CNGA2: variants seen among roughly 807,000 people sequenced by gnomAD.
CNGA2 encodes the protein cyclic nucleotide-gated channel alpha-2.
In CNGA2, 22 loss-of-function variants were observed where a neutral mutation model predicts 35.9. The observed-to-expected ratio is 0.61, with a 90% CI of 0.44 to 0.88. CNGA2 has a LOEUF of 0.88. Among genes scored for constraint, CNGA2 ranks in the 40% least tolerant of loss-of-function variants. The probability of loss-of-function intolerance (pLI) is 0.00; values close to 1 mark genes in which losing one functional copy is unlikely to be tolerated. For synonymous variants in CNGA2, 217 were observed against 209.2 expected (o/e 1.04, Z -0.32); for missense variants, 555 against 530.8 (o/e 1.05, Z -0.45).
rs138496370 is a variant in CNGA2, at chrX:151,740,870, G to A, written c.451G>A (p.Val151Ile). Residue 151 changes from valine to isoleucine, a missense_variant, in exon 5 of 7, where the codon GTC becomes ATC. By Grantham distance (29) the Val-to-Ile change is conservative. Transcript: ENST00000329903. ...CTGGCTATTTGTCATTGCCATGCCC[G>A]TCCTTTACAACTGGTGCCTGCTGGT... ...YCWLFVIAMP[V>I]LYNWCLLVAR... 265 of 1,208,943 alleles carry A rather than the reference G, an allele frequency of 2.2e-4. No homozygotes were observed. Among genetic ancestry groups the A allele is most frequent in the Non-Finnish European group, 2.8e-4 (254 of 894,532 alleles).
intron 6 of CNGA2, among the ~76,000 whole-genome samples, 166 bp from the exon 7 acceptor site, chrX:151,742,927 T>TATATATATATATATATATATACATAC (rs746065892): frequency 0.014 from 1,061 of 78,425 alleles, 87 homozygotes; most frequent in African/African-American, 0.061. Flanking sequence ...TAGGGAAGGA[T>TATATATATATATATATATATACATAC]ATATATATAT....
At chrX:151,740,285 T>G (rs780984220) in intron 4 of CNGA2, among the ~76,000 whole-genome samples, 7 of 111,926 alleles carry the variant, frequency 6.3e-5, no homozygotes, top group Non-Finnish European at 1.3e-4. Flanking sequence ...GGACACAACA[T>G]CCCTTGTCAA....
intron 1 of CNGA2, among the ~76,000 whole-genome samples, chrX:151,735,754 C>A (rs187298805): frequency 9.0e-6 from 1 of 111,605 alleles, no homozygotes; most frequent in Admixed American, 9.5e-5. Context: ...CCTTTGTCAG[C>A]CCCCTATCCT....
chrX:151,739,705 A>G lies in CNGA2; in HGVS notation c.347A>G (p.Asp116Gly). 1 of 1,211,772 alleles carries G rather than the reference A, an allele frequency of 8.3e-7. No individual in the cohort carries two copies. The highest frequency in any genetic ancestry group is 1.1e-6 in the Non-Finnish European group (1 of 895,518). Residue 116 changes from aspartate (D) to glycine (G), a missense_variant, in exon 4 of 7, where the codon GAC becomes GGC. Coordinates refer to ENST00000329903, the MANE Select transcript of CNGA2 (RefSeq NM_005140.3). Reference sequence around the variant, plus strand: ...ACACAGGAGGGGGATGGCAAAGGCGACAAGGATGGCGAGGACAAAGGCACC... The same window carrying G: ...ACACAGGAGGGGGATGGCAAAGGCGGCAAGGATGGCGAGGACAAAGGCACC... ...VTTQEGDGKG[D>G]KDGEDKGTKK...
At chrX:151,739,763 G>T in intron 4 of CNGA2, 31 bp downstream of exon 4, 1 of 1,195,288 alleles carries the variant, frequency 8.4e-7, no homozygotes, top group Non-Finnish European at 1.1e-6. Context: ...GGACTCAAAT[G>T]GGCTTTAAGC....
intron 5 of CNGA2, among the ~76,000 whole-genome samples, chrX:151,741,632 T>C (rs1036504129): frequency 2.7e-5 from 3 of 112,496 alleles, no homozygotes; most frequent in South Asian, 7.5e-4. Flanking sequence ...TGCCAGGGCC[T>C]GGTGGCTAGA....
rs2015359861 is a variant in CNGA2, at chrX:151,744,792, C to T, written c.*294C>T. 1 of 294,452 alleles carries T rather than the reference C, an allele frequency of 3.4e-6. No individual in the cohort carries two copies. The highest frequency in any genetic ancestry group is 1.7e-4 in the South Asian group (1 of 5,940). The allele number at this position is 294,452 out of a possible 1,213,427, so 24.3% of individuals were successfully genotyped here. On this transcript the variant is annotated 3_prime_UTR_variant, in exon 7 of 7. Transcript: ENST00000329903. Reference sequence around the variant, plus strand: ...CTGCCAGGAGTCTGGCTCTTTTGCTCATAGCGACCCCTCCCTTGGTTCTGG... The same window carrying T: ...CTGCCAGGAGTCTGGCTCTTTTGCTTATAGCGACCCCTCCCTTGGTTCTGG...
Position 151,744,526 on chromosome X carries a change from ATTGGCC to A in CNGA2, c.*38_*43del. ...CCTGGGGCCCAACTGCCTCTCCAGC[ATTGGCC>A]TTGGCCTTGATCCCAGAAGCTAGAG... is the stretch of plus-strand genomic sequence containing the variant. On this transcript the variant is annotated 3_prime_UTR_variant, in exon 7 of 7. Transcript: ENST00000329903. 2.1e-6 allele frequency: 2 copies of A among 944,208 alleles called. No homozygotes were observed. Among genetic ancestry groups the A allele is most frequent in the Non-Finnish European group, 2.8e-6 (2 of 716,188 alleles). The allele number at this position is 944,208 out of a possible 1,213,427, so 77.8% of individuals were successfully genotyped here.
At position 151,744,052 on chromosome X, in the gene CNGA2, A is replaced by G. The variant is rs865860886; in HGVS notation, c.1549A>G (p.Ser517Gly). ...TCAGTATGCTCTGCTGTCGGCTGGA[A>G]GCTGCTTTGGCGAGATCAGTATCCT... Reference protein sequence around the residue: ...VTQYALLSAGSCFGEISILNI... With the variant: ...VTQYALLSAGGCFGEISILNI... Residue 517 changes from serine to glycine, a missense_variant, in exon 7 of 7, where the codon AGC becomes GGC. Coordinates refer to ENST00000329903, the MANE Select transcript of CNGA2 (RefSeq NM_005140.3). 1 of 1,211,528 alleles carries G rather than the reference A, an allele frequency of 8.3e-7. No homozygotes were observed. The highest frequency in any genetic ancestry group is 1.7e-5 in the African/African-American group (1 of 57,696).
At chrX:151,740,183 G>T (rs2015290674) in intron 4 of CNGA2, among the ~76,000 whole-genome samples, 1 of 112,358 alleles carries the variant, frequency 8.9e-6, no homozygotes, top group Non-Finnish European at 1.9e-5. Flanking sequence ...AGAAGGCAGA[G>T]CTGGAGGGTT....
Position 151,744,763 on chromosome X carries a change from C to G in CNGA2, c.*265C>G, listed in dbSNP as rs1466664458. ...GTCTGAGGAAGGGAGAAGGGGGCAG[C>G]TGTCTGCCAGGAGTCTGGCTCTTTT... On this transcript the variant is annotated 3_prime_UTR_variant, in exon 7 of 7. Transcript: ENST00000329903. The G allele has an allele frequency of 2.2e-5, 7 of 313,819 alleles. No homozygotes were observed. In the Admixed American group the frequency reaches 3.2e-4, roughly 14 times the overall value. The allele number at this position is 313,819 out of a possible 1,213,427, so 25.9% of individuals were successfully genotyped here. A position where few individuals can be genotyped will look rare whatever the true frequency, so the allele number is the denominator to read the frequency against.
chrX:151,743,554 C>T lies in CNGA2; in HGVS notation c.1051C>T (p.Leu351=). The T allele has an allele frequency of 8.3e-7, 1 of 1,211,282 alleles. No individual in the cohort carries two copies. Among genetic ancestry groups the T allele is most frequent in the Non-Finnish European group, 1.1e-6 (1 of 895,373 alleles). Residue 351 remains leucine (L), a synonymous_variant, in exon 7 of 7, where the codon CTA becomes TTA. Coordinates refer to ENST00000329903, the MANE Select transcript of CNGA2 (RefSeq NM_005140.3). ...TPPPVKDEEY[L]FVIFDFLIGV... The stretch of plus-strand genomic sequence containing the variant: ...ACCCCCTGTAAAGGATGAGGAGTAC[C>T]TATTTGTCATCTTTGACTTCCTGAT...
At position 151,744,327 on chromosome X, in the gene CNGA2, G is replaced by A; in HGVS notation, c.1824G>A (p.Met608Ile). ...AGCTAGGGCAGCTGGAGACCAACAT[G>A]GAAACCTTGTACACTCGCTTTGGCC... ...QEKLGQLETN[M>I]ETLYTRFGRL... The change falls in exon 7 of 7, where the codon ATG becomes ATA. Residue 608 changes from methionine to isoleucine, a missense_variant. Physicochemically the swap from Met to Ile is conservative, Grantham distance 10. Coordinates refer to ENST00000329903, the MANE Select transcript of CNGA2 (RefSeq NM_005140.3). 8.3e-7 allele frequency: 1 copy of A among 1,211,414 alleles called. No homozygotes were observed. Among genetic ancestry groups the A allele is most frequent in the Admixed American group, 2.2e-5 (1 of 45,995 alleles).
chrX:151,743,041 T>TACAC (rs1456303916), intron 6 of CNGA2, 52 bp from the exon 7 acceptor site: 2,034 of 68,202 alleles, frequency 0.03, 434 homozygotes, highest in African/African-American at 0.2. Flanking sequence ...CATATATATG[T>TACAC]ATATATATAC....
intron 1 of CNGA2, 81 bp from the exon 2 acceptor site, chrX:151,738,377 A>G: frequency 1.5e-6 from 1 of 675,885 alleles, no homozygotes; most frequent in Non-Finnish European, 2.3e-6. Context: ...GTTCTAATCC[A>G]TCCTGTTCAC....
At position 151,744,329 on chromosome X, in the gene CNGA2, A is replaced by G; in HGVS notation, c.1826A>G (p.Glu609Gly). 1 of 1,211,309 alleles carries G rather than the reference A, an allele frequency of 8.3e-7. No individual in the cohort carries two copies. The change falls in exon 7 of 7, where the codon GAA becomes GGA. Residue 609 changes from glutamate (E) to glycine (G), a missense_variant. By Grantham distance (98) the Glu-to-Gly change is moderately conservative (BLOSUM62 -2). Transcript: ENST00000329903. ...EKLGQLETNM[E>G]TLYTRFGRLL... ...CTAGGGCAGCTGGAGACCAACATGGAAACCTTGTACACTCGCTTTGGCCGC... is the reference window on the plus strand; with the variant it reads ...CTAGGGCAGCTGGAGACCAACATGGGAACCTTGTACACTCGCTTTGGCCGC...
chrX:151,744,076 C>T lies in CNGA2; in HGVS notation c.1573C>T (p.Leu525Phe), dbSNP rs752573922. The T allele has an allele frequency of 5.0e-6, 6 of 1,211,270 alleles. No individual in the cohort carries two copies. The East Asian group carries it at 1.8e-4, about 36-fold the overall frequency. Residue 525 changes from leucine (L) to phenylalanine (F), a missense_variant, in exon 7 of 7, where the codon CTT (leucine) becomes TTT (phenylalanine). Transcript: ENST00000329903. ...AGSCFGEISILNIKGSKMGNR... is the reference protein window; with the variant it reads ...AGSCFGEISIFNIKGSKMGNR... ...AAGCTGCTTTGGCGAGATCAGTATC[C>T]TTAACATTAAGGGCAGTAAAATGGG...
In CNGA2 at chrX:151,744,301, A is replaced by T; in HGVS notation, c.1798A>T (p.Lys600Ter). 8.3e-7 allele frequency: 1 copy of T among 1,210,694 alleles called. No homozygotes were observed. Among genetic ancestry groups the T allele is most frequent in the Non-Finnish European group, 1.1e-6 (1 of 895,251 alleles). ...CAGCATGGAGGTCGACGTGCAGGAG[A>T]AGCTAGGGCAGCTGGAGACCAACAT... ...ATSMEVDVQE[K>*]LGQLETNMET... is the part of the protein sequence containing the mutation. Residue 600 changes from lysine (K) to a stop codon, truncating the protein, a stop_gained, in exon 7 of 7, where the codon AAG (lysine) becomes TAG (stop). Coordinates refer to ENST00000329903, the MANE Select transcript of CNGA2 (RefSeq NM_005140.3). LOFTEE classifies it high-confidence loss of function.
chrX:151,742,478 G>A, intron 5 of CNGA2, 58 bp from the exon 6 acceptor site: 7 of 921,463 alleles, frequency 7.6e-6, no homozygotes, highest in Admixed American at 2.3e-5. Flanking sequence ...TCAGTTTGGG[G>A]CCTCCAAGGG....
Sources: allele counts gnomAD v4.1 joint callset (sites outside exome capture counted in the v4.1 genomes callset), GRCh38; gene constraint gnomAD v4.1.1; transcripts MANE v1.5; gene names NCBI Gene and HGNC (gene_info 2026-07-23, HGNC 2026-07-21).